The following TSPAN16 variants were observed in gnomAD, a reference collection of about 807,000 sequenced individuals.
TSPAN16 encodes the protein tetraspanin 16.
TSPAN16 carries 23 observed loss-of-function variants against 25.2 expected under a neutral mutation model. The ratio of observed to expected loss-of-function variants is 0.91; its 90% CI spans 0.66 to 1.29. The LOEUF is 1.29. Ranked by LOEUF, TSPAN16 falls within the 50% of genes most tolerant of loss-of-function variation. The probability of loss-of-function intolerance (pLI) is 0.00; values close to 1 mark genes in which losing one functional copy is unlikely to be tolerated. For synonymous variants in TSPAN16, 123 were observed against 124.4 expected, an observed-to-expected ratio of 0.99 and a Z score of 0.08; for missense variants, 272 against 299.9, an observed-to-expected ratio of 0.91 and a Z score of 0.69.
chr19:11,321,768 TTC>T lies in TSPAN16; in HGVS notation c.688-5024_688-5023del, dbSNP rs1158434299. Among the ~76,000 whole-genome samples, 13 of 152,298 alleles carry T rather than the reference TTC, an allele frequency of 8.5e-5. No individual in the cohort carries two copies. The East Asian group carries it at 2.5e-3, about 29-fold the overall frequency. On this transcript the variant is annotated intron_variant, in intron 6 of 6. Transcript: ENST00000316737. ...CAAGTAAGGTGGGAGCCATCGAATGTTCTAAGCAGAGGAGGAATGCGCTGTGA... is the reference window on the plus strand; with the variant it reads ...CAAGTAAGGTGGGAGCCATCGAATGTTAAGCAGAGGAGGAATGCGCTGTGA...
downstream of TSPAN16, chr19:11,316,115 GTGGT>G: frequency 3.4e-6 from 1 of 294,484 alleles, no homozygotes; most frequent in Non-Finnish European, 5.3e-6. Flanking sequence ...GTGTGTGTGT[GTGGT>G]TTTTTTTTTT....
At chr19:11,320,791 G>A (rs943461772), downstream of TSPAN16, among the ~76,000 whole-genome samples, 7 of 152,144 alleles carry the variant, frequency 4.6e-5, no homozygotes, top group African/African-American at 1.7e-4. Context: ...TAGCCCAAAA[G>A]AGGAAGTTCA....
intron 6 of TSPAN16, chr19:11,325,028 AG>A (rs2080803320): frequency 1.1e-5 from 2 of 188,642 alleles, no homozygotes; most frequent in South Asian, 1.9e-4. Context: ...CCAACCCAGA[AG>A]AGACCTGGAA....
At chr19:11,302,745 A>AT (rs2080576736) in intron 4 of TSPAN16, among the ~76,000 whole-genome samples, 1 of 149,122 alleles carries the variant, frequency 6.7e-6, no homozygotes, top group Non-Finnish European at 1.5e-5. Flanking sequence ...TTGAGACAGG[A>AT]TCTCACTCTG....
In TSPAN16 at chr19:11,312,191, G is replaced by T; in HGVS notation, c.656G>T (p.Ser219Ile). The T allele has an allele frequency of 1.9e-6, 3 of 1,612,676 alleles. No individual in the cohort carries two copies. Among genetic ancestry groups the T allele is most frequent in the Non-Finnish European group, 1.7e-6 (2 of 1,179,612 alleles). ...ACCAAGACTCAGAGCTTCACCCTGA[G>T]TGGGAGCTCTCTGGGAGCTGCAGTG... The part of the protein sequence containing the change: ...KITKTQSFTL[S>I]GSSLGAAVIQ... The change falls in exon 6 of 7, where the codon AGT becomes ATT. Residue 219 changes from serine to isoleucine, a missense_variant. Ser to Ile is a moderately radical substitution (Grantham distance 142). Transcript: ENST00000590327.
chr19:11,298,194 C>G lies in TSPAN16; in HGVS notation c.122C>G (p.Ala41Gly), dbSNP rs143650478. 1 of 1,614,154 alleles carries G rather than the reference C, an allele frequency of 6.2e-7. No individual in the cohort carries two copies. The highest frequency in any genetic ancestry group is 2.2e-5 in the East Asian group (1 of 44,884). Residue 41 changes from alanine (A) to glycine (G), a missense_variant, in exon 2 of 7, where the codon GCC becomes GGC. Physicochemically the swap from Ala to Gly is moderately conservative, Grantham distance 60 (BLOSUM62 0). Coordinates refer to ENST00000590327, the MANE Select transcript of TSPAN16 (RefSeq NM_001282509.2). ...GGCATTGGTGGTAAATGTGGAGGGG[C>G]CTCTCTGACGAATGTCCTCGGGCTG... ...GLGIGGKCGG[A>G]SLTNVLGLSS...
At chr19:11,297,954 A>AT (rs34399771) in intron 1 of TSPAN16, among the ~76,000 whole-genome samples, 188 bp from the exon 2 acceptor site, 52,626 of 149,082 alleles carry the variant, frequency 0.35, 9,491 homozygotes, top group African/African-American at 0.45. Flanking sequence ...ACTACTGGCT[A>AT]TTTTTTTTTT....
chr19:11,326,038 T>C (rs1258137549), intron 6 of TSPAN16, among the ~76,000 whole-genome samples: 1 of 152,048 alleles, frequency 6.6e-6, no homozygotes, highest in Non-Finnish European at 1.5e-5. Context: ...CTGACCAACA[T>C]GGTGAAACCC....
rs59048434 is a variant in TSPAN16, at chr19:11,313,526, C to CA, written c.687+1320dup. ...TTGGCAACAGAGCAAGACTCTGTCT[C>CA]AAAAAAAAAAAAAAAATTATATCTT... On this transcript the variant is annotated intron_variant, in intron 6 of 6. Transcript: ENST00000590327. 6.3e-3 allele frequency among the ~76,000 whole-genome samples: 743 copies of CA among 118,494 alleles called. 6 individuals carry two copies. Among genetic ancestry groups the CA allele is most frequent in the East Asian group, 0.048 (197 of 4,134 alleles). 77.7% of individuals were successfully genotyped at this position (118,494 alleles called of 152,430 possible).
At chr19:11,320,155 CTT>C (rs909571686), downstream of TSPAN16, among the ~76,000 whole-genome samples, 7 of 131,150 alleles carry the variant, frequency 5.3e-5, no homozygotes, top group African/African-American at 6.5e-5. Flanking sequence ...GAGTTTCTCT[CTT>C]GTCATCCAGG....
Position 11,301,202 on chromosome 19 carries a change from T to C in TSPAN16, c.344T>C (p.Val115Ala), listed in dbSNP as rs1345189725. 1.2e-5 allele frequency: 19 copies of C among 1,613,332 alleles called. No homozygotes were observed. The highest frequency in any genetic ancestry group is 5.3e-5 in the African/African-American group (4 of 74,808). Residue 115 changes from valine (V) to alanine (A), a missense_variant and splice_region_variant, in exon 4 of 7, where the codon GTT becomes GCT. Transcript: ENST00000590327. The stretch of plus-strand genomic sequence containing the variant: ...ATCACTTCCTGTCCTCTCTGTGAGG[T>C]TGGAGATGTGGCCTTGGAACACACC... The part of the protein sequence containing the change: ...ATVVLLFFPI[V>A]GDVALEHTFV...
rs959345901 is a variant in TSPAN16, at chr19:11,298,340, G to C, written c.267+1G>C. The C allele has an allele frequency of 6.2e-7, 1 of 1,613,344 alleles. No homozygotes were observed. Among genetic ancestry groups the C allele is most frequent in the African/African-American group, 1.3e-5 (1 of 75,008 alleles). On this transcript the variant is annotated splice_donor_variant, in intron 2 of 6. Coordinates refer to ENST00000590327, the MANE Select transcript of TSPAN16 (RefSeq NM_001282509.2). LOFTEE classifies it high-confidence loss of function. ...AGAGAGCAGAGGCACGCTCTTGTTT[G>C]TAAGTTGGATCTGCACACAGACCCC...
At chr19:11,321,049 A>G (rs555038014) in intron 6 of TSPAN16, among the ~76,000 whole-genome samples, 60 of 151,954 alleles carry the variant, frequency 3.9e-4, no homozygotes, top group African/African-American at 1.1e-3. Context: ...TGTGCCTGTA[A>G]TCCCAGCTAC....
At chr19:11,310,887 G>A (rs1412269367) in intron 5 of TSPAN16, among the ~76,000 whole-genome samples, 1 of 144,366 alleles carries the variant, frequency 6.9e-6, no homozygotes, top group Non-Finnish European at 1.5e-5. Context: ...AGGCTGGATG[G>A]AGTACAGTGG....
chr19:11,302,622 AATAT>A (rs1217671620), intron 4 of TSPAN16, among the ~76,000 whole-genome samples: 3 of 142,936 alleles, frequency 2.1e-5, no homozygotes, highest in Non-Finnish European at 4.5e-5. Context: ...TATGTATATA[AATAT>A]ATATATACAC....
intron 6 of TSPAN16, 63 bp downstream of exon 6, chr19:11,312,285 A>C: frequency 9.1e-7 from 1 of 1,101,430 alleles, no homozygotes; most frequent in South Asian, 1.5e-5. Flanking sequence ...TATGCCAAAC[A>C]CTGTTCTGGT....
chr19:11,313,521 T>G (rs1273490744), intron 6 of TSPAN16, among the ~76,000 whole-genome samples: 1 of 127,376 alleles, frequency 7.9e-6, no homozygotes, highest in African/African-American at 3.7e-5. Flanking sequence ...AGCAAGACTC[T>G]GTCTCAAAAA....
At chr19:11,303,161 T>C (rs548017149) in intron 4 of TSPAN16, among the ~76,000 whole-genome samples, 24 of 147,468 alleles carry the variant, frequency 1.6e-4, no homozygotes, top group Admixed American at 1.3e-3. Context: ...GGTTGTCGTG[T>C]CTGTGTAGAA....
intron 6 of TSPAN16, among the ~76,000 whole-genome samples, chr19:11,320,984 C>T (rs1270377475): frequency 6.6e-6 from 1 of 152,056 alleles, no homozygotes; most frequent in Non-Finnish European, 1.5e-5. Context: ...GCCTGGCCAA[C>T]GTGGTGAAAC....
Sources: allele counts gnomAD v4.1 joint callset (sites outside exome capture counted in the v4.1 genomes callset), GRCh38; gene constraint gnomAD v4.1.1; transcripts MANE v1.5; gene names NCBI Gene and HGNC (gene_info 2026-07-23, HGNC 2026-07-21).